RYR2: variants seen among roughly 807,000 people sequenced by gnomAD.
The protein encoded by RYR2 is cardiac muscle ryanodine receptor-calcium release channel.
A neutral mutation model predicts 601.1 loss-of-function variants in RYR2; 227 were observed. That is an observed-to-expected ratio of 0.38 (90% confidence interval 0.34 to 0.42). The LOEUF is 0.42. Ranked by LOEUF, RYR2 falls within the 10% of genes least tolerant of loss-of-function variation. RYR2 has a pLI of 1.00. For missense variants in RYR2, 4,646 were observed against 6,156.5 expected (o/e 0.75, Z 8.21); for synonymous variants, 2,223 against 2,175.1 (o/e 1.02, Z -0.61).
chr1:237,226,492 C>T (rs1165932085), intron 1 of RYR2, among the ~76,000 whole-genome samples: 3 of 152,146 alleles, frequency 2.0e-5, no homozygotes, highest in African/African-American at 4.8e-5. Context: ...CAGAAAAACA[C>T]CTCAGATCTC....
At chr1:237,292,144 C>T (rs554449994) in intron 2 of RYR2, among the ~76,000 whole-genome samples, 6 of 152,060 alleles carry the variant, frequency 3.9e-5, no homozygotes, top group Admixed American at 6.6e-5. Context: ...CCTAAATGTT[C>T]GGCAGTAGAG....
intron 101 of RYR2, among the ~76,000 whole-genome samples, chr1:237,821,776 GA>G (rs1386895187): frequency 6.6e-6 from 1 of 151,710 alleles, no homozygotes; most frequent in Non-Finnish European, 1.5e-5. Context: ...TAAGAACTTT[GA>G]AAAAAAGTTA....
Position 237,356,115 on chromosome 1 carries a change from A to G in RYR2, c.294+130A>G, listed in dbSNP as rs1409764769. 7.8e-6 allele frequency: 6 copies of G among 767,632 alleles called. No homozygotes were observed. In the Admixed American group the frequency reaches 1.3e-4, roughly 16 times the overall value. The allele number at this position is 767,632 out of a possible 1,614,324, so 47.6% of individuals were successfully genotyped here. On this transcript the variant is annotated intron_variant, in intron 4 of 104. Coordinates refer to ENST00000366574, the MANE Select transcript of RYR2 (RefSeq NM_001035.3). ...TGTTCAAACTAACTGCTTCGTTGTA[A>G]TGAACACATGTTTTACAGGTCTCTA...
Position 237,674,110 on chromosome 1 carries a change from C to A in RYR2, c.8605C>A (p.Pro2869Thr). The A allele has an allele frequency of 6.2e-7, 1 of 1,611,830 alleles. No individual in the cohort carries two copies. The highest frequency in any genetic ancestry group is 8.5e-7 in the Non-Finnish European group (1 of 1,178,206). Residue 2869 changes from proline to threonine, a missense_variant, in exon 59 of 105, where the codon CCT becomes ACT. Around this residue, in one of 17 missense-constraint regions of RYR2, gnomAD observed 1,497 missense variants for 1,842.6 expected, o/e 0.81. Transcript: ENST00000366574. The stretch of plus-strand genomic sequence containing the variant: ...CATACTCTTAGGAGGAGGAAACCAT[C>A]CTCTGCTGGTGCCCTATGATACACT... Reference protein sequence around the residue: ...ELESKGGGNHPLLVPYDTLTA... With the variant: ...ELESKGGGNHTLLVPYDTLTA...
intron 40 of RYR2, among the ~76,000 whole-genome samples, chr1:237,626,562 CTTTTTCTTTTTCTTTTTCTTTTTTTTTTT>C: frequency 1.7e-5 from 1 of 58,282 alleles, no homozygotes; most frequent in African/African-American, 5.6e-5. Context: ...TCTTTCTTTT[CTTTTTCTTTTTCTTTTTCTTTTTTTTTTT>C]TTTTTTTTTT....
At chr1:237,093,591 C>G (rs566507668) in intron 1 of RYR2, among the ~76,000 whole-genome samples, 1 of 152,192 alleles carries the variant, frequency 6.6e-6, no homozygotes, top group East Asian at 1.9e-4. Context: ...CTTTGTTTCT[C>G]TAGGACCACA....
chr1:237,228,605 A>T (rs540011776), intron 1 of RYR2, among the ~76,000 whole-genome samples: 1 of 152,200 alleles, frequency 6.6e-6, no homozygotes, highest in Non-Finnish European at 1.5e-5. Context: ...TACATGTGAT[A>T]AACAACATAG....
chr1:237,810,415 G>GA (rs1439514259), intron 100 of RYR2, among the ~76,000 whole-genome samples: 3 of 151,856 alleles, frequency 2.0e-5, no homozygotes, highest in Admixed American at 6.6e-5. Flanking sequence ...TTAAAACAAT[G>GA]AAAAAAACAC....
At chr1:237,375,393 G>A (rs530376148) in intron 7 of RYR2, among the ~76,000 whole-genome samples, 8 of 151,954 alleles carry the variant, frequency 5.3e-5, no homozygotes, top group Non-Finnish European at 1.0e-4. Context: ...CTATAAAATT[G>A]GACTGTTTTG....
intron 1 of RYR2, among the ~76,000 whole-genome samples, chr1:237,101,998 G>A (rs936758506): frequency 6.6e-6 from 1 of 152,218 alleles, no homozygotes; most frequent in Non-Finnish European, 1.5e-5. Flanking sequence ...GCCTCTTGAT[G>A]GTGAGTGTTA....
chr1:237,267,200 G>A (rs1038401828), intron 1 of RYR2, among the ~76,000 whole-genome samples: 1 of 152,110 alleles, frequency 6.6e-6, no homozygotes, highest in Non-Finnish European at 1.5e-5. Flanking sequence ...ACTCCTATAG[G>A]TTTCCTATAT....
At chr1:237,458,552 CTTA>C (rs1659106650) in intron 16 of RYR2, among the ~76,000 whole-genome samples, 2 of 152,088 alleles carry the variant, frequency 1.3e-5, no homozygotes, top group African/African-American at 4.8e-5. Context: ...TGTCACATTT[CTTA>C]TTTAGTTATA....
chr1:237,607,266 C>G (rs1183512447), intron 35 of RYR2, among the ~76,000 whole-genome samples: 1 of 152,146 alleles, frequency 6.6e-6, no homozygotes, highest in Non-Finnish European at 1.5e-5. Context: ...GAGTTCATGT[C>G]CTTTGTAGGG....
At chr1:237,486,437 C>T (rs776675638) in intron 17 of RYR2, among the ~76,000 whole-genome samples, 15 of 152,108 alleles carry the variant, frequency 9.9e-5, no homozygotes, top group Admixed American at 3.9e-4. Flanking sequence ...TGTGTGTTCT[C>T]TGTGTAGCAA....
chr1:237,105,603 G>T (rs904752581), intron 1 of RYR2, among the ~76,000 whole-genome samples: 1 of 151,968 alleles, frequency 6.6e-6, no homozygotes, highest in African/African-American at 2.4e-5. Context: ...AGGCTGAGAC[G>T]GACAGATCAC....
At chr1:237,311,593 C>T (rs1694574425) in intron 2 of RYR2, among the ~76,000 whole-genome samples, 1 of 151,952 alleles carries the variant, frequency 6.6e-6, no homozygotes, top group Non-Finnish European at 1.5e-5. Context: ...GATCCTTCCA[C>T]TTCAGCCTCC....
At chr1:237,141,687 G>A (rs1004613973) in intron 1 of RYR2, among the ~76,000 whole-genome samples, 1 of 152,232 alleles carries the variant, frequency 6.6e-6, no homozygotes, top group Non-Finnish European at 1.5e-5. Flanking sequence ...GACAGCTTTA[G>A]AGATCGGCCC....
intron 97 of RYR2, among the ~76,000 whole-genome samples, chr1:237,800,630 G>A (rs1659850259): frequency 6.6e-6 from 1 of 152,086 alleles, no homozygotes; most frequent in Non-Finnish European, 1.5e-5. Flanking sequence ...TTGCCATTAT[G>A]TTATATTGCA....
intron 1 of RYR2, among the ~76,000 whole-genome samples, chr1:237,136,440 G>C (rs557089835): frequency 4.6e-5 from 7 of 152,134 alleles, no homozygotes; most frequent in Non-Finnish European, 1.0e-4. Flanking sequence ...AAATGACATA[G>C]GGTCAAATTG....
Sources: gnomAD v4.1 joint callset for allele counts (sites outside exome capture counted in the v4.1 genomes callset) on GRCh38, gnomAD v4.1.1 for gene constraint, gnomAD v4.1.1 regional missense constraint, MANE v1.5 for transcripts, NCBI Gene and HGNC (gene_info 2026-07-23, HGNC 2026-07-21) for gene names.